NPAS2: variants seen among roughly 807,000 people sequenced by gnomAD.
NPAS2 encodes the protein neuronal PAS domain protein 2, also known as neuronal PAS domain-containing protein 2.
A neutral mutation model predicts 107.5 loss-of-function variants in NPAS2; 23 were observed. That is an observed-to-expected ratio of 0.21 (90% CI 0.15 to 0.30). The LOEUF (loss-of-function observed/expected upper bound fraction) is 0.30. Ranked by LOEUF, NPAS2 falls within the 10% of genes least tolerant of loss-of-function variation. The pLI is 1.00. For synonymous variants in NPAS2, 403 were observed against 417.5 expected (o/e 0.97, Z 0.42); for missense variants, 756 against 1,043.3 (o/e 0.72, Z 3.79).
At chr2:100,934,514 C>T (rs908437994) in intron 4 of NPAS2, among the ~76,000 whole-genome samples, 21 of 151,580 alleles carry the variant, frequency 1.4e-4, no homozygotes, top group South Asian at 2.1e-4. Flanking sequence ...TCCTAGAAGC[C>T]GGTGGAAAGG....
chr2:100,913,279 G>T (rs1373573468), intron 2 of NPAS2, among the ~76,000 whole-genome samples: 2 of 152,178 alleles, frequency 1.3e-5, no homozygotes, highest in African/African-American at 4.8e-5. Flanking sequence ...GCCTGCTAGT[G>T]CTCCCTTCAC....
intron 1 of NPAS2, among the ~76,000 whole-genome samples, chr2:100,833,312 A>G (rs758143851): frequency 5.9e-5 from 9 of 152,344 alleles, no homozygotes; most frequent in Middle Eastern, 6.8e-3. Context: ...TCAGGATGAG[A>G]ATCAAGAGGA....
rs573026135 is a variant in NPAS2 at position 100,918,965 on chromosome 2, A to G, written c.33-6181A>G. ...CAATGGGCATAGTAGCTGTATTCAT[A>G]ATTACCCAAACTGGAAACAACCCAC... On this transcript the variant is annotated intron_variant, in intron 2 of 20. Transcript: ENST00000335681. Among the ~76,000 whole-genome samples, 45 of 152,350 alleles carry G rather than the reference A, an allele frequency of 3.0e-4. 1 individual carries two copies. Among genetic ancestry groups the G allele is most frequent in the African/African-American group, 1.1e-3 (44 of 41,582 alleles).
intron 7 of NPAS2, among the ~76,000 whole-genome samples, chr2:100,958,302 C>T (rs1428250812): frequency 2.0e-5 from 3 of 152,164 alleles, no homozygotes; most frequent in Admixed American, 6.5e-5. Context: ...CTGGAGGTTG[C>T]CTCATTTTAT....
chr2:100,852,388 C>T (rs755094890), intron 1 of NPAS2, among the ~76,000 whole-genome samples: 4 of 151,954 alleles, frequency 2.6e-5, no homozygotes, highest in Non-Finnish European at 5.9e-5. Context: ...CAGAGCGAGA[C>T]TCCATCTCAA....
rs78510256 is a variant in NPAS2 at position 100,973,762 on chromosome 2, A to G, written c.1141-1041A>G. Among the ~76,000 whole-genome samples the G allele has an allele frequency of 1.7e-3, 263 of 152,234 alleles. 2 individuals carry two copies. Among genetic ancestry groups the G allele is most frequent in the African/African-American group, 6.1e-3 (254 of 41,554 alleles). On this transcript the variant is annotated intron_variant, in intron 12 of 20. Coordinates refer to ENST00000335681, the MANE Select transcript of NPAS2 (RefSeq NM_002518.4). Reference sequence around the variant, plus strand: ...TGCTGGCAGTTTCCATTCTTCTAACACTAGCTAGGAATGCGGCTCAGGAGG... The same window carrying G: ...TGCTGGCAGTTTCCATTCTTCTAACGCTAGCTAGGAATGCGGCTCAGGAGG...
intron 15 of NPAS2, among the ~76,000 whole-genome samples, chr2:100,981,946 C>T (rs914076240): frequency 6.6e-6 from 1 of 152,232 alleles, no homozygotes; most frequent in African/African-American, 2.4e-5. Context: ...TGTCCCAATT[C>T]TGTGGCCCTC....
intron 1 of NPAS2, among the ~76,000 whole-genome samples, chr2:100,896,750 G>C (rs977995337): frequency 6.6e-6 from 1 of 152,120 alleles, no homozygotes; most frequent in African/African-American, 2.4e-5. Context: ...GAGGTTTGTG[G>C]GAGTGAATGT....
chr2:100,876,846 C>T (rs1192049476), intron 1 of NPAS2, among the ~76,000 whole-genome samples: 1 of 152,124 alleles, frequency 6.6e-6, no homozygotes, highest in African/African-American at 2.4e-5. Flanking sequence ...TGGAGGTGGA[C>T]GTCTGCCCTT....
chr2:100,830,751 AT>A (rs1204343889), intron 1 of NPAS2, among the ~76,000 whole-genome samples: 1 of 152,064 alleles, frequency 6.6e-6, no homozygotes, highest in Non-Finnish European at 1.5e-5. Context: ...TCCATCCATT[AT>A]TTTTTCAATC....
intron 1 of NPAS2, among the ~76,000 whole-genome samples, chr2:100,858,518 G>A (rs184635465): frequency 8.9e-4 from 136 of 152,272 alleles, no homozygotes; most frequent in African/African-American, 3.1e-3. Flanking sequence ...TGGTCTCTGT[G>A]TTCCCTTTCG....
chr2:100,823,071 A>T (rs1676168974), intron 1 of NPAS2, among the ~76,000 whole-genome samples: 1 of 152,184 alleles, frequency 6.6e-6, no homozygotes, highest in Non-Finnish European at 1.5e-5. Context: ...CTTGTTCAGA[A>T]TAGATGCTCA....
chr2:100,953,615 T>A (rs1573709084), intron 7 of NPAS2, among the ~76,000 whole-genome samples: 1 of 152,158 alleles, frequency 6.6e-6, no homozygotes, highest in Non-Finnish European at 1.5e-5. Context: ...TGAGGTGGTT[T>A]ATGGCATCAT....
intron 1 of NPAS2, among the ~76,000 whole-genome samples, chr2:100,857,637 G>C (rs539917542): frequency 2.6e-5 from 4 of 152,362 alleles, no homozygotes; most frequent in African/African-American, 9.6e-5. Context: ...GCCTCCAAGA[G>C]TGGGAGCCTG....
intron 2 of NPAS2, among the ~76,000 whole-genome samples, chr2:100,918,996 C>T (rs954423459): frequency 6.6e-6 from 1 of 152,220 alleles, no homozygotes; most frequent in Non-Finnish European, 1.5e-5. Context: ...CCCACATTTC[C>T]TCAATGGGTG....
At chr2:100,893,586 A>T (rs1681218928) in intron 1 of NPAS2, among the ~76,000 whole-genome samples, 1 of 152,206 alleles carries the variant, frequency 6.6e-6, no homozygotes, top group Non-Finnish European at 1.5e-5. Context: ...GGGAAAATTC[A>T]TGATGATACA....
chr2:100,938,898 C>T (rs61430766), intron 5 of NPAS2, among the ~76,000 whole-genome samples: 28,122 of 152,156 alleles, frequency 0.18, 2,842 homozygotes, highest in Middle Eastern at 0.32. Flanking sequence ...CCACCACCCC[C>T]GACCCCTGCT....
At chr2:100,912,688 T>A (rs1043105275) in intron 2 of NPAS2, among the ~76,000 whole-genome samples, 1 of 152,248 alleles carries the variant, frequency 6.6e-6, no homozygotes, top group Non-Finnish European at 1.5e-5. Flanking sequence ...TATGGAGATA[T>A]GGCTTCCTCA....
chr2:100,911,691 G>C (rs356657), intron 2 of NPAS2, among the ~76,000 whole-genome samples: 1 of 151,818 alleles, frequency 6.6e-6, no homozygotes, highest in East Asian at 1.9e-4. Context: ...GAGTGCAGTG[G>C]CACAATGTCG....
Sources: allele counts gnomAD v4.1 joint callset (sites outside exome capture counted in the v4.1 genomes callset), GRCh38; gene constraint gnomAD v4.1.1; transcripts MANE v1.5; gene names NCBI Gene and HGNC (gene_info 2026-07-23, HGNC 2026-07-21).